SEMA3A: variants seen among roughly 807,000 people sequenced by gnomAD.
SEMA3A encodes semaphorin 3A, also known as semaphorin-3A.
A neutral mutation model predicts 97.9 loss-of-function variants in SEMA3A; 29 were observed. That is an observed-to-expected ratio of 0.30 (90% CI 0.22 to 0.40). The LOEUF (loss-of-function observed/expected upper bound fraction) is 0.40. Ranked by LOEUF, SEMA3A falls within the 10% of genes least tolerant of loss-of-function variation. The probability of loss-of-function intolerance (pLI) is 1.00; values close to 1 mark genes in which losing one functional copy is unlikely to be tolerated. For missense variants in SEMA3A, 763 were observed against 951.3 expected, an observed-to-expected ratio of 0.80 and a Z score of 2.60; for synonymous variants, 321 against 323.7, an observed-to-expected ratio of 0.99 and a Z score of 0.09.
intron 3 of SEMA3A, among the ~76,000 whole-genome samples, chr7:84,283,966 G>A (rs1386926989): frequency 6.6e-6 from 1 of 152,016 alleles, no homozygotes; most frequent in African/African-American, 2.4e-5. Flanking sequence ...TACGTGCTTT[G>A]GATGTGTTGG....
chr7:84,223,703 T>C (rs1798930549), intron 3 of SEMA3A, among the ~76,000 whole-genome samples: 1 of 151,784 alleles, frequency 6.6e-6, no homozygotes, highest in Admixed American at 6.6e-5. Context: ...GGCTTTAACA[T>C]ATGAAACCAA....
chr7:83,981,987 C>T (rs942297940), intron 13 of SEMA3A, among the ~76,000 whole-genome samples: 1 of 151,996 alleles, frequency 6.6e-6, no homozygotes, highest in African/African-American at 2.4e-5. Flanking sequence ...ACTTTGGGCT[C>T]AACACCAAGA....
At chr7:84,376,603 C>CAAAAAAAAA (rs60380985) in intron 1 of SEMA3A, among the ~76,000 whole-genome samples, 17 of 36,440 alleles carry the variant, frequency 4.7e-4, no homozygotes, top group African/African-American at 1.6e-3. Flanking sequence ...GACTCCGTCT[C>CAAAAAAAAA]AAAAAAAAAA....
chr7:84,122,370 CAT>C (rs1257371221), intron 3 of SEMA3A, among the ~76,000 whole-genome samples: 3 of 151,968 alleles, frequency 2.0e-5, no homozygotes, highest in South Asian at 2.1e-4. Flanking sequence ...ATCAAAACCA[CAT>C]GAGATACCAT....
intron 3 of SEMA3A, among the ~76,000 whole-genome samples, chr7:84,270,999 C>T (rs541067350): frequency 1.2e-4 from 18 of 151,942 alleles, no homozygotes; most frequent in Admixed American, 1.2e-3. Flanking sequence ...TTTACTGTTT[C>T]TATTATTGAT....
intron 1 of SEMA3A, among the ~76,000 whole-genome samples, chr7:84,151,729 A>G (rs1796678657): frequency 6.6e-6 from 1 of 152,132 alleles, no homozygotes; most frequent in Non-Finnish European, 1.5e-5. Flanking sequence ...TCTGCACAGC[A>G]AAAGAAACTA....
At chr7:84,141,666 C>A (rs1796295015) in intron 1 of SEMA3A, among the ~76,000 whole-genome samples, 1 of 152,056 alleles carries the variant, frequency 6.6e-6, no homozygotes, top group Admixed American at 6.6e-5. Context: ...TTCCTCCCAC[C>A]CTCCACCCTC....
At chr7:84,376,536 G>A (rs536050973) in intron 1 of SEMA3A, among the ~76,000 whole-genome samples, 1 of 113,700 alleles carries the variant, frequency 8.8e-6, no homozygotes, top group South Asian at 3.1e-4. Context: ...CCCGGGAGGC[G>A]GAGCTTGCAG....
At chr7:84,009,548 C>T (rs903691731) in intron 9 of SEMA3A, among the ~76,000 whole-genome samples, 3 of 152,092 alleles carry the variant, frequency 2.0e-5, no homozygotes, top group Admixed American at 1.3e-4. Flanking sequence ...TCCTGACTTT[C>T]GATTTTTAAT....
chr7:84,115,042 T>C (rs1257713605), intron 3 of SEMA3A, among the ~76,000 whole-genome samples: 1 of 152,132 alleles, frequency 6.6e-6, no homozygotes, highest in African/African-American at 2.4e-5. Context: ...GTATTTAGAA[T>C]ATGCCATAAT....
chr7:84,040,798 CAA>C (rs1190552590), intron 6 of SEMA3A, among the ~76,000 whole-genome samples: 1 of 151,512 alleles, frequency 6.6e-6, no homozygotes, highest in Non-Finnish European at 1.5e-5. Context: ...GATGGTGAGA[CAA>C]GAGAGAAAAA....
intron 1 of SEMA3A, among the ~76,000 whole-genome samples, chr7:84,410,348 A>G (rs1360386449): frequency 5.3e-5 from 8 of 152,096 alleles, no homozygotes; most frequent in Admixed American, 5.2e-4. Context: ...ATAATTTTCA[A>G]GATAAAAGAC....
At chr7:84,471,603 G>A (rs1283386587) in intron 1 of SEMA3A, among the ~76,000 whole-genome samples, 1 of 151,920 alleles carries the variant, frequency 6.6e-6, no homozygotes, top group Non-Finnish European at 1.5e-5. Context: ...GTTTTTGAGG[G>A]ACAAAAATAG....
intron 9 of SEMA3A, among the ~76,000 whole-genome samples, chr7:84,008,978 TAAG>T (rs898607235): frequency 2.0e-5 from 3 of 152,154 alleles, no homozygotes; most frequent in Non-Finnish European, 2.9e-5. Context: ...TCGAAATACT[TAAG>T]GAGTATGATA....
intron 1 of SEMA3A, among the ~76,000 whole-genome samples, chr7:84,466,506 G>A (rs1806002397): frequency 6.6e-6 from 1 of 152,150 alleles, no homozygotes; most frequent in Non-Finnish European, 1.5e-5. Context: ...TTTAAATGAA[G>A]ATTATATTTC....
At chr7:83,963,476 T>C (rs1584482501) in intron 15 of SEMA3A, 129 bp from the exon 16 acceptor site, 2 of 961,326 alleles carry the variant, frequency 2.1e-6, no homozygotes, top group Admixed American at 4.9e-5. Context: ...TGATTGAGGA[T>C]GACAGAAATG....
At chr7:84,086,734 G>GTA (rs1365354285) in intron 4 of SEMA3A, among the ~76,000 whole-genome samples, 7 of 149,292 alleles carry the variant, frequency 4.7e-5, no homozygotes, top group East Asian at 2.0e-4. Flanking sequence ...ATATATGTGT[G>GTA]TATATATATA....
At chr7:84,139,322 G>C (rs1328103071) in intron 1 of SEMA3A, among the ~76,000 whole-genome samples, 4 of 152,010 alleles carry the variant, frequency 2.6e-5, no homozygotes. Flanking sequence ...GTTTTTCTCT[G>C]GTTGAGAGAT....
At chr7:84,300,032 C>CAAA (rs58929555) in intron 3 of SEMA3A, among the ~76,000 whole-genome samples, 179 of 53,248 alleles carry the variant, frequency 3.4e-3, no homozygotes, top group Middle Eastern at 0.012. Flanking sequence ...GACTCAGTCA[C>CAAA]AAAAAAAAAA....
Sources: gnomAD v4.1 joint callset for allele counts (sites outside exome capture counted in the v4.1 genomes callset) on GRCh38, gnomAD v4.1.1 for gene constraint, MANE v1.5 for transcripts, NCBI Gene and HGNC (gene_info 2026-07-23, HGNC 2026-07-21) for gene names.